LDLRAD4: variants seen among roughly 807,000 people sequenced by gnomAD.
LDLRAD4 encodes the protein low density lipoprotein receptor class A domain containing 4.
A neutral mutation model predicts 17.0 loss-of-function variants in LDLRAD4; 5 were observed. The ratio of observed to expected loss-of-function variants is 0.29; its 90% confidence interval spans 0.15 to 0.62. The LOEUF is 0.62. LDLRAD4 is among the 20% of genes least tolerant of loss of function. The pLI, the probability that LDLRAD4 is intolerant of heterozygous loss-of-function variation, is 0.84. For synonymous variants in LDLRAD4, 168 were observed against 171.8 expected (o/e 0.98, Z 0.17); for missense variants, 340 against 424.7 (o/e 0.80, Z 1.75).
intron 1 of LDLRAD4, among the ~76,000 whole-genome samples, chr18:13,349,744 G>A (rs1038509067): frequency 3.3e-5 from 5 of 152,004 alleles, no homozygotes; most frequent in Admixed American, 6.6e-5. Flanking sequence ...TTTAAGCCCC[G>A]CATGCATTAG....
intron 1 of LDLRAD4, among the ~76,000 whole-genome samples, chr18:13,248,720 C>A (rs2043088722): frequency 1.3e-5 from 2 of 152,192 alleles, no homozygotes; most frequent in African/African-American, 4.8e-5. Flanking sequence ...GGGTAATTAG[C>A]ATCTCCATCA....
At chr18:13,225,565 C>A (rs770786721) in intron 1 of LDLRAD4, among the ~76,000 whole-genome samples, 1 of 152,226 alleles carries the variant, frequency 6.6e-6, no homozygotes, top group Non-Finnish European at 1.5e-5. Context: ...TCAGTAGCCA[C>A]GCATTGTCAT....
intron 2 of LDLRAD4, among the ~76,000 whole-genome samples, chr18:13,413,696 AC>A (rs2088588435): frequency 6.6e-6 from 1 of 152,210 alleles, no homozygotes; most frequent in South Asian, 2.1e-4. Flanking sequence ...GTTTGCAGTG[AC>A]CTAACGATTG....
At chr18:13,452,956 A>G (rs1335344937) in intron 3 of LDLRAD4, among the ~76,000 whole-genome samples, 1 of 151,950 alleles carries the variant, frequency 6.6e-6, no homozygotes, top group African/African-American at 2.4e-5. Flanking sequence ...GGGGGATGCT[A>G]CATGGAATGC....
chr18:13,508,301 G>A (rs2093725797), intron 3 of LDLRAD4, among the ~76,000 whole-genome samples: 2 of 152,252 alleles, frequency 1.3e-5, no homozygotes, highest in African/African-American at 4.8e-5. Flanking sequence ...AGCAGCAAGT[G>A]CTGGGGTAGA....
intron 1 of LDLRAD4, among the ~76,000 whole-genome samples, chr18:13,280,818 G>T (rs2045225053): frequency 6.6e-6 from 1 of 152,220 alleles, no homozygotes; most frequent in African/African-American, 2.4e-5. Context: ...GGACCATGCG[G>T]ATGTCTTCCA....
chr18:13,418,364 G>T (rs1003678563), intron 2 of LDLRAD4, among the ~76,000 whole-genome samples: 1 of 152,320 alleles, frequency 6.6e-6, no homozygotes, highest in Non-Finnish European at 1.5e-5. Context: ...GATCTGCCTC[G>T]CCCCTGAGAC....
chr18:13,499,562 CGTGG>C (rs2093575259), intron 3 of LDLRAD4, among the ~76,000 whole-genome samples: 1 of 146,160 alleles, frequency 6.8e-6, no homozygotes. Context: ...CACTTCCCAC[CGTGG>C]ACACTGGAGA....
intron 3 of LDLRAD4, among the ~76,000 whole-genome samples, chr18:13,547,231 C>A (rs1423535312): frequency 6.6e-6 from 1 of 152,156 alleles, no homozygotes; most frequent in Non-Finnish European, 1.5e-5. Context: ...CCATTAGGGT[C>A]CAGTGATTTT....
intron 3 of LDLRAD4, among the ~76,000 whole-genome samples, chr18:13,508,077 T>C (rs571526507): frequency 6.7e-6 from 1 of 149,330 alleles, no homozygotes; most frequent in African/African-American, 2.6e-5. Context: ...ATTGTTGACA[T>C]GAAGAAAGTT....
chr18:13,313,326 T>C (rs1165553739), intron 1 of LDLRAD4, among the ~76,000 whole-genome samples: 4 of 152,204 alleles, frequency 2.6e-5, no homozygotes, highest in African/African-American at 7.2e-5. Context: ...TGAGGTGTTA[T>C]TCCCTAGCTC....
intron 3 of LDLRAD4, among the ~76,000 whole-genome samples, chr18:13,485,447 C>T (rs1208829000): frequency 6.6e-6 from 1 of 152,238 alleles, no homozygotes; most frequent in African/African-American, 2.4e-5. Context: ...ATGACCCTGT[C>T]TGCTCTCCAT....
intron 2 of LDLRAD4, among the ~76,000 whole-genome samples, chr18:13,393,746 G>T (rs548132232): frequency 6.6e-6 from 1 of 152,268 alleles, no homozygotes; most frequent in East Asian, 1.9e-4. Flanking sequence ...TTCATAACAG[G>T]AGTCCAGGCA....
chr18:13,556,850 C>T (rs1252791067), intron 3 of LDLRAD4, among the ~76,000 whole-genome samples: 1 of 152,124 alleles, frequency 6.6e-6, no homozygotes, highest in East Asian at 1.9e-4. Context: ...ATTAGGTTTC[C>T]TCACTGTCAA....
chr18:13,451,474 C>G (rs1246577063), intron 3 of LDLRAD4, among the ~76,000 whole-genome samples: 4 of 152,164 alleles, frequency 2.6e-5, no homozygotes, highest in East Asian at 3.9e-4. Context: ...CCCTGAGGCT[C>G]CCTGGAAGCA....
At chr18:13,222,760 C>T (rs2041532688) in intron 1 of LDLRAD4, among the ~76,000 whole-genome samples, 1 of 152,230 alleles carries the variant, frequency 6.6e-6, no homozygotes, top group Admixed American at 6.5e-5. Flanking sequence ...GGCTGCTCCG[C>T]CTCCTCCCCT....
chr18:13,429,747 A>G (rs1017117165), intron 2 of LDLRAD4, among the ~76,000 whole-genome samples: 2 of 152,202 alleles, frequency 1.3e-5, no homozygotes, highest in African/African-American at 4.8e-5. Flanking sequence ...CCTCCCCTGC[A>G]TGCAGACCTG....
intron 3 of LDLRAD4, among the ~76,000 whole-genome samples, chr18:13,566,115 G>A (rs937529176): frequency 2.0e-5 from 3 of 152,178 alleles, no homozygotes; most frequent in African/African-American, 7.2e-5. Context: ...GAGGGCAGGT[G>A]TCTAACATGG....
At chr18:13,349,700 C>T (rs558443710) in intron 1 of LDLRAD4, among the ~76,000 whole-genome samples, 36 of 152,228 alleles carry the variant, frequency 2.4e-4, no homozygotes, top group African/African-American at 7.5e-4. Context: ...TGTGCCATAG[C>T]GGTTTGCTGC....
Sources: gnomAD v4.1 joint callset for allele counts (sites outside exome capture counted in the v4.1 genomes callset) on GRCh38, gnomAD v4.1.1 for gene constraint, MANE v1.5 for transcripts, NCBI Gene and HGNC (gene_info 2026-07-23, HGNC 2026-07-21) for gene names.